The following ATP6V0A2 variants were observed in gnomAD, a reference collection of about 807,000 sequenced individuals.
The protein encoded by ATP6V0A2 is ATPase H+ transporting V0 subunit a2, also known as V-type proton ATPase 116 kDa subunit a 2.
A neutral mutation model predicts 104.4 loss-of-function variants in ATP6V0A2; 58 were observed. That is an observed-to-expected ratio of 0.56 (90% CI 0.45 to 0.69). ATP6V0A2 has a LOEUF of 0.69. Among genes scored for constraint, ATP6V0A2 ranks in the 30% least tolerant of loss-of-function variants. The pLI is 0.00. For missense variants in ATP6V0A2, 938 were observed against 1,062.9 expected, an observed-to-expected ratio of 0.88 and a Z score of 1.63; for synonymous variants, 376 against 397.9, an observed-to-expected ratio of 0.95 and a Z score of 0.65.
intron 1 of ATP6V0A2, among the ~76,000 whole-genome samples, chr12:123,717,040 C>T (rs566142483): frequency 5.5e-4 from 84 of 152,000 alleles, no homozygotes; most frequent in African/African-American, 1.9e-3. Flanking sequence ...CCAGGGTGGG[C>T]GTGGTGGCTC....
intron 9 of ATP6V0A2, among the ~76,000 whole-genome samples, chr12:123,742,024 C>T (rs1484655876): frequency 6.6e-6 from 1 of 152,196 alleles, no homozygotes; most frequent in Non-Finnish European, 1.5e-5. Flanking sequence ...TCCTGTCCTG[C>T]TCAGTTTTGA....
chr12:123,740,744 C>G (rs1031037208), intron 9 of ATP6V0A2, among the ~76,000 whole-genome samples: 3 of 152,134 alleles, frequency 2.0e-5, no homozygotes, highest in Admixed American at 6.6e-5. Context: ...TTCGTTACTT[C>G]TTTTTGATTT....
At chr12:123,755,090 C>T (rs1415124383) in intron 18 of ATP6V0A2, among the ~76,000 whole-genome samples, 1 of 152,174 alleles carries the variant, frequency 6.6e-6, no homozygotes, top group African/African-American at 2.4e-5. Flanking sequence ...CAGTACCTAG[C>T]CGTGCAGTTA....
chr12:123,721,839 T>A (rs1238581107), intron 2 of ATP6V0A2, among the ~76,000 whole-genome samples: 1 of 152,226 alleles, frequency 6.6e-6, no homozygotes, highest in Non-Finnish European at 1.5e-5. Flanking sequence ...TGGTTGTGAT[T>A]TTCTTGTTGG....
In ATP6V0A2 at chr12:123,718,655, A is replaced by G. The variant is rs201451794; in HGVS notation, c.150A>G (p.Lys50=). Residue 50 remains lysine (K), a synonymous_variant, in exon 2 of 20, where the codon AAA becomes AAG. Coordinates refer to ENST00000330342, the MANE Select transcript of ATP6V0A2 (RefSeq NM_012463.4). ...LNQNVSSFQR[K]FVGEVKRCEE... ...AGAACGTAAGTTCTTTCCAAAGAAAATTTGTTGGTGAGGTGAAGAGGTGTG... is the reference window on the plus strand; with the variant it reads ...AGAACGTAAGTTCTTTCCAAAGAAAGTTTGTTGGTGAGGTGAAGAGGTGTG... 3.7e-6 allele frequency: 6 copies of G among 1,612,986 alleles called. No homozygotes were observed. The East Asian group carries it at 1.3e-4, about 36-fold the overall frequency.
intron 6 of ATP6V0A2, chr12:123,733,505 G>C: frequency 4.6e-6 from 1 of 218,188 alleles, no homozygotes; most frequent in Non-Finnish European, 9.2e-6. Flanking sequence ...GCTGTCTTGT[G>C]CTCAGGACAC....
intron 13 of ATP6V0A2, among the ~76,000 whole-genome samples, chr12:123,746,010 T>C (rs943783491): frequency 1.3e-5 from 2 of 152,224 alleles, no homozygotes; most frequent in African/African-American, 4.8e-5. Context: ...TCTCTAATCA[T>C]GATTGGTATA....
intron 13 of ATP6V0A2, among the ~76,000 whole-genome samples, chr12:123,746,071 G>A (rs1956659013): frequency 6.6e-6 from 1 of 152,036 alleles, no homozygotes; most frequent in South Asian, 2.1e-4. Context: ...TTGGAAACAC[G>A]GCTACAACAA....
intron 2 of ATP6V0A2, chr12:123,721,154 G>GT (rs1406751114): frequency 6.6e-6 from 1 of 152,408 alleles, no homozygotes; most frequent in East Asian, 1.9e-4. Flanking sequence ...AAAGTAGTTA[G>GT]TTTTGGCTGG....
intron 9 of ATP6V0A2, among the ~76,000 whole-genome samples, chr12:123,740,481 G>C (rs888174338): frequency 3.9e-5 from 6 of 152,186 alleles, no homozygotes; most frequent in Admixed American, 2.0e-4. Context: ...AAAATGCTGG[G>C]ATTACAGGCG....
At chr12:123,738,782 A>G (rs1351216781) in intron 9 of ATP6V0A2, among the ~76,000 whole-genome samples, 1 of 152,226 alleles carries the variant, frequency 6.6e-6, no homozygotes. Flanking sequence ...ACAGGTTTAC[A>G]TATTTCAAGT....
In ATP6V0A2 at chr12:123,719,551, T is replaced by G. The variant is rs554600799; in HGVS notation, c.196+850T>G. Among the ~76,000 whole-genome samples, 4 of 151,824 alleles carry G rather than the reference T, an allele frequency of 2.6e-5. No homozygotes were observed. In the East Asian group the frequency reaches 7.8e-4, roughly 30 times the overall value. ...ATAGGTGCGTGCCACCACACCTGGC[T>G]AATTTTTGTACTTTTAGTAGAGATG... On this transcript the variant is annotated intron_variant, in intron 2 of 19. Transcript: ENST00000330342.
At position 123,737,232 on chromosome 12, in the gene ATP6V0A2, G is replaced by A. The variant is rs764662345; in HGVS notation, c.999G>A (p.Ala333=). The stretch of plus-strand genomic sequence containing the variant: ...TTGCTGAGGTCTGGTGTCCCGAGGC[G>A]GATCTGCAGGACCTGCGCCGGGCAC... ...CLIAEVWCPE[A]DLQDLRRALE... Residue 333 remains alanine, a synonymous_variant, in exon 9 of 20, where the codon GCG becomes GCA. Transcript: ENST00000330342. The A allele has an allele frequency of 1.4e-5, 23 of 1,614,020 alleles. No homozygotes were observed. Among genetic ancestry groups the A allele is most frequent in the African/African-American group, 4.0e-5 (3 of 74,904 alleles).
chr12:123,742,603 G>T (rs768140331), intron 9 of ATP6V0A2, among the ~76,000 whole-genome samples: 107 of 152,130 alleles, frequency 7.0e-4, no homozygotes, highest in Non-Finnish European at 1.2e-3. Flanking sequence ...TTGGGAGGCC[G>T]AGGTGGGCAG....
intron 1 of ATP6V0A2, among the ~76,000 whole-genome samples, chr12:123,716,522 G>A (rs1056768660): frequency 6.6e-6 from 1 of 152,192 alleles, no homozygotes; most frequent in Non-Finnish European, 1.5e-5. Context: ...CGGGTGCAGT[G>A]GCTCACACCT....
intron 18 of ATP6V0A2, among the ~76,000 whole-genome samples, chr12:123,755,864 T>C (rs1024631717): frequency 2.6e-5 from 4 of 151,872 alleles, no homozygotes; most frequent in Non-Finnish European, 5.9e-5. Flanking sequence ...GGGCGGATCA[T>C]GAGGTCAGGA....
intron 9 of ATP6V0A2, chr12:123,737,582 C>CTGG (rs1956567851): frequency 5.3e-6 from 2 of 373,996 alleles, no homozygotes; most frequent in Non-Finnish European, 1.0e-5. Flanking sequence ...TTATGGTGAG[C>CTGG]TGGTCATTCA....
intron 9 of ATP6V0A2, among the ~76,000 whole-genome samples, chr12:123,742,705 T>C (rs1304669758): frequency 6.6e-6 from 1 of 152,026 alleles, no homozygotes; most frequent in African/African-American, 2.4e-5. Flanking sequence ...GGCGTGGTGG[T>C]GTGCAATGTA....
intron 18 of ATP6V0A2, among the ~76,000 whole-genome samples, chr12:123,755,878 C>T (rs940919278): frequency 1.4e-4 from 21 of 151,746 alleles, no homozygotes; most frequent in African/African-American, 4.6e-4. Flanking sequence ...GTCAGGAGAT[C>T]GAGACCATCC....
Sources: allele counts gnomAD v4.1 joint callset (sites outside exome capture counted in the v4.1 genomes callset), GRCh38; gene constraint gnomAD v4.1.1; transcripts MANE v1.5; gene names NCBI Gene and HGNC (gene_info 2026-07-23, HGNC 2026-07-21).